Variants in TBC1D3H observed in about 807,000 individuals in gnomAD.
TBC1D3H encodes the protein TBC1 domain family member 3H.
rs1388294492 is a variant in TBC1D3H, at chr17:36,385,828, A to T, written c.159-535T>A. Reference sequence around the variant, plus strand: ...ATCCACCTGCCTCTCCCTGCACCCGAGCCACACACCCTGCGTTTCAGAAGT... The same window carrying T: ...ATCCACCTGCCTCTCCCTGCACCCGTGCCACACACCCTGCGTTTCAGAAGT... On this transcript the variant is annotated intron_variant, in intron 3 of 13. Transcript: ENST00000610350. 2.3e-5 allele frequency among the ~76,000 whole-genome samples: 3 copies of T among 131,494 alleles called. 1 individual carries two copies. The highest frequency in any genetic ancestry group is 8.6e-5 in the African/African-American group (3 of 34,984). The allele number at this position is 131,494 out of a possible 152,430, so 86.3% of individuals were successfully genotyped here.
At chr17:36,385,886 T>C (rs2069663093) in intron 3 of TBC1D3H, among the ~76,000 whole-genome samples, 2 of 128,350 alleles carry the variant, frequency 1.6e-5, no homozygotes, top group East Asian at 3.0e-4. Flanking sequence ...CCGCCCTACC[T>C]CCCCAGGGAT....
In TBC1D3H at chr17:36,385,897, C is replaced by G. The variant is rs1452853344; in HGVS notation, c.159-604G>C. 1.6e-5 allele frequency among the ~76,000 whole-genome samples: 2 copies of G among 128,872 alleles called. 1 individual carries two copies. Among genetic ancestry groups the G allele is most frequent in the Non-Finnish European group, 3.3e-5 (2 of 60,912 alleles). The allele number at this position is 128,872 out of a possible 152,430, so 84.5% of individuals were successfully genotyped here. On this transcript the variant is annotated intron_variant, in intron 3 of 13. Coordinates refer to ENST00000610350, the MANE Select transcript of TBC1D3H (RefSeq NM_001123392.4). ...CCTCCCGCCCTACCTCCCCAGGGAT[C>G]CTCTGTCTCTCCATCCTGTGATCCC...
At position 36,385,859 on chromosome 17, in the gene TBC1D3H, G is replaced by C. The variant is rs1350489630; in HGVS notation, c.159-566C>G. Among the ~76,000 whole-genome samples the C allele has an allele frequency of 3.4e-4, 45 of 131,552 alleles. 5 individuals are homozygous for C. Among genetic ancestry groups the C allele is most frequent in the Non-Finnish European group, 6.3e-4 (39 of 61,802 alleles). The allele number at this position is 131,552 out of a possible 152,430, so 86.3% of individuals were successfully genotyped here. On this transcript the variant is annotated intron_variant, in intron 3 of 13. Coordinates refer to ENST00000610350, the MANE Select transcript of TBC1D3H (RefSeq NM_001123392.4). ...ACACCCTGCGTTTCAGAAGTGGCAC[G>C]GCTCATCAGCTCCCTCCCGCCCTAC...
At chr17:36,386,117 G>A (rs1234909996) in intron 3 of TBC1D3H, among the ~76,000 whole-genome samples, 2 of 123,786 alleles carry the variant, frequency 1.6e-5, no homozygotes, top group East Asian at 3.0e-4. Flanking sequence ...TTCCCCTCAC[G>A]GGACAGTGAG....
intron 3 of TBC1D3H, among the ~76,000 whole-genome samples, chr17:36,385,580 G>T (rs1345944111): frequency 4.2e-5 from 5 of 117,912 alleles, no homozygotes; most frequent in African/African-American, 1.2e-4. Flanking sequence ...CTGGACTCGA[G>T]GTGGTGCTTT....
At chr17:36,386,038 C>T (rs1449121205) in intron 3 of TBC1D3H, among the ~76,000 whole-genome samples, 1 of 127,218 alleles carries the variant, frequency 7.9e-6, no homozygotes, top group Non-Finnish European at 1.7e-5. Flanking sequence ...CGTGAGATGC[C>T]CAGAACGGGG....
rs1190347312 is a variant in TBC1D3H at position 36,388,390 on chromosome 17, G to A, written c.-67C>T. The A allele has an allele frequency of 2.7e-5, 4 of 148,762 alleles. No homozygotes were observed. Among genetic ancestry groups the A allele is most frequent in the Admixed American group, 2.7e-4 (4 of 14,908 alleles). 9.2% of individuals were successfully genotyped at this position (148,762 alleles called of 1,614,324 possible). On this transcript the variant is annotated 5_prime_UTR_variant, in exon 1 of 14. Coordinates refer to ENST00000610350, the MANE Select transcript of TBC1D3H (RefSeq NM_001123392.4). ...GGGAGAAAACCTTTGAGTCCACAGAGCTGCTCACAGATACCACTGCCTGTG... is the reference window on the plus strand; with the variant it reads ...GGGAGAAAACCTTTGAGTCCACAGAACTGCTCACAGATACCACTGCCTGTG...
At chr17:36,385,880 C>T (rs2069662909) in intron 3 of TBC1D3H, among the ~76,000 whole-genome samples, 3 of 130,718 alleles carry the variant, frequency 2.3e-5, no homozygotes, top group Admixed American at 2.2e-4. Context: ...TCCCTCCCGC[C>T]CTACCTCCCC....
At chr17:36,385,805 C>G (rs1211944044) in intron 3 of TBC1D3H, among the ~76,000 whole-genome samples, 3 of 132,370 alleles carry the variant, frequency 2.3e-5, no homozygotes, top group African/African-American at 8.5e-5. Context: ...CTCCCAGCAT[C>G]CACCTGCCTC....
In TBC1D3H at chr17:36,388,404, C is replaced by CCACT. The variant is rs1330245492; in HGVS notation, c.-85_-82dup. 31 of 149,418 alleles carry CCACT rather than the reference C, an allele frequency of 2.1e-4. No individual in the cohort carries two copies. Among genetic ancestry groups the CCACT allele is most frequent in the Non-Finnish European group, 3.7e-4 (25 of 67,014 alleles). The allele number at this position is 149,418 out of a possible 1,614,324, so 9.3% of individuals were successfully genotyped here. A position where few individuals can be genotyped will look rare whatever the true frequency, so the allele number is the denominator to read the frequency against. On this transcript the variant is annotated 5_prime_UTR_variant, in exon 1 of 14. Coordinates refer to ENST00000610350, the MANE Select transcript of TBC1D3H (RefSeq NM_001123392.4). ...GAGTCCACAGAGCTGCTCACAGATA[C>CCACT]CACTGCCTGTGTGTAACTGCTGTAG...
At chr17:36,386,247 C>T (rs1242841802) in intron 3 of TBC1D3H, among the ~76,000 whole-genome samples, 1 of 107,974 alleles carries the variant, frequency 9.3e-6, no homozygotes, top group Non-Finnish European at 1.7e-5. Flanking sequence ...ACCCTTGCAT[C>T]TCACCGGGTT....
At chr17:36,385,897 CCT>C (rs2069663924) in intron 3 of TBC1D3H, among the ~76,000 whole-genome samples, 2 of 128,872 alleles carry the variant, frequency 1.6e-5, no homozygotes, top group African/African-American at 2.9e-5. Flanking sequence ...CCCCAGGGAT[CCT>C]CTGTCTCTCC....
intron 3 of TBC1D3H, among the ~76,000 whole-genome samples, chr17:36,386,015 TC>T (rs2069668148): frequency 7.9e-6 from 1 of 125,884 alleles, no homozygotes. Flanking sequence ...CCCTGCTGCC[TC>T]CCTGGCCTCA....
intron 3 of TBC1D3H, among the ~76,000 whole-genome samples, chr17:36,386,062 C>T (rs1488674409): frequency 3.1e-5 from 4 of 127,772 alleles, no homozygotes; most frequent in Admixed American, 3.0e-4. Flanking sequence ...TGCCCATCTT[C>T]CCCCCGTTCT....
chr17:36,388,442 G>C (rs1199765401), upstream of TBC1D3H: 1 of 150,666 alleles, frequency 6.6e-6, no homozygotes, highest in East Asian at 2.0e-4. Context: ...CACTGAGGCA[G>C]GCCAGAGAGC....
At position 36,388,423 on chromosome 17, in the gene TBC1D3H, G is replaced by C; in HGVS notation, c.-100C>G. 1 of 150,130 alleles carries C rather than the reference G, an allele frequency of 6.7e-6. No homozygotes were observed. Among genetic ancestry groups the C allele is most frequent in the East Asian group, 2.0e-4 (1 of 4,974 alleles). The allele number at this position is 150,130 out of a possible 1,614,324, so 9.3% of individuals were successfully genotyped here. Reference sequence around the variant, plus strand: ...CAGATACCACTGCCTGTGTGTAACTGCTGTAGACCACTGAGGCAGGCCAGA... The same window carrying C: ...CAGATACCACTGCCTGTGTGTAACTCCTGTAGACCACTGAGGCAGGCCAGA... On this transcript the variant is annotated 5_prime_UTR_variant, in exon 1 of 14. Transcript: ENST00000610350.
Position 36,388,431 on chromosome 17 carries a change from C to G in TBC1D3H, c.-108G>C, listed in dbSNP as rs1175350732. ...ACTGCCTGTGTGTAACTGCTGTAGA[C>G]CACTGAGGCAGGCCAGAGAGCAGAC... On this transcript the variant is annotated 5_prime_UTR_variant, in exon 1 of 14. Coordinates refer to ENST00000610350, the MANE Select transcript of TBC1D3H (RefSeq NM_001123392.4). The G allele has an allele frequency of 6.6e-6, 1 of 150,390 alleles. No individual in the cohort carries two copies. The highest frequency in any genetic ancestry group is 1.5e-5 in the Non-Finnish European group (1 of 67,334). The allele number at this position is 150,390 out of a possible 1,614,324, so 9.3% of individuals were successfully genotyped here. A position where few individuals can be genotyped will look rare whatever the true frequency, so the allele number is the denominator to read the frequency against.
intron 1 of TBC1D3H, 90 bp downstream of exon 1, chr17:36,388,234 CT>C (rs2069699170): frequency 8.5e-6 from 1 of 117,388 alleles, no homozygotes; most frequent in Non-Finnish European, 1.8e-5. Flanking sequence ...GATGACCCTC[CT>C]CGGTAGCTGC....
rs1028436580 is a variant in TBC1D3H at position 36,385,843 on chromosome 17, G to T, written c.159-550C>A. Among the ~76,000 whole-genome samples, 7 of 132,020 alleles carry T rather than the reference G, an allele frequency of 5.3e-5. 2 individuals are homozygous for T. The highest frequency in any genetic ancestry group is 2.0e-4 in the African/African-American group (7 of 35,174). 86.6% of individuals were successfully genotyped at this position (132,020 alleles called of 152,430 possible). ...CCTGCACCCGAGCCACACACCCTGC[G>T]TTTCAGAAGTGGCACGGCTCATCAG... On this transcript the variant is annotated intron_variant, in intron 3 of 13. Coordinates refer to ENST00000610350, the MANE Select transcript of TBC1D3H (RefSeq NM_001123392.4).
Sources: allele counts gnomAD v4.1 joint callset (sites outside exome capture counted in the v4.1 genomes callset), GRCh38; gene constraint gnomAD v4.1.1; transcripts MANE v1.5; gene names NCBI Gene and HGNC (gene_info 2026-07-23, HGNC 2026-07-21).